The following ZHX2 variants were observed in gnomAD, a reference collection of about 807,000 sequenced individuals.
The protein encoded by ZHX2 is zinc fingers and homeoboxes 2.
A neutral mutation model predicts 21.9 loss-of-function variants in ZHX2; 6 were observed. That is an observed-to-expected ratio of 0.27 (90% CI 0.15 to 0.54). The LOEUF is 0.54. Ranked by LOEUF, ZHX2 falls within the 20% of genes least tolerant of loss-of-function variation. ZHX2 has a pLI of 0.95. For missense variants in ZHX2, 908 were observed against 1,090.7 expected (o/e 0.83, Z 2.36); for synonymous variants, 434 against 437.1 (o/e 0.99, Z 0.09).
chr8:122,790,897 C>T (rs191979479), intron 1 of ZHX2, among the ~76,000 whole-genome samples: 30 of 152,326 alleles, frequency 2.0e-4, no homozygotes, highest in African/African-American at 6.0e-4. Context: ...CATGAGCCAC[C>T]ATGCCTATCC....
intron 2 of ZHX2, among the ~76,000 whole-genome samples, chr8:122,915,871 C>T (rs1350405796): frequency 6.6e-6 from 1 of 152,208 alleles, no homozygotes; most frequent in African/African-American, 2.4e-5. Context: ...TAATGTTTTG[C>T]AGGCAAGGAA....
At chr8:122,907,489 G>C (rs1820377111) in intron 2 of ZHX2, among the ~76,000 whole-genome samples, 2 of 152,176 alleles carry the variant, frequency 1.3e-5, no homozygotes, top group African/African-American at 4.8e-5. Context: ...GGGTGACTTT[G>C]AATAGAATGG....
intron 2 of ZHX2, among the ~76,000 whole-genome samples, chr8:122,928,126 T>TA (rs1160589040): frequency 6.6e-6 from 1 of 152,150 alleles, no homozygotes; most frequent in Non-Finnish European, 1.5e-5. Flanking sequence ...AGGACAGCCC[T>TA]AAGCCAGGCT....
At chr8:122,807,077 G>A (rs1016484697) in intron 1 of ZHX2, among the ~76,000 whole-genome samples, 1 of 152,156 alleles carries the variant, frequency 6.6e-6, no homozygotes, top group African/African-American at 2.4e-5. Flanking sequence ...AGGGGCCCTT[G>A]GTGAGTGGGA....
At chr8:122,929,995 G>A (rs138607380) in intron 2 of ZHX2, among the ~76,000 whole-genome samples, 109 of 152,286 alleles carry the variant, frequency 7.2e-4, no homozygotes, top group African/African-American at 2.5e-3. Context: ...CAACAGGAAG[G>A]TAACAGTCTT....
At chr8:122,916,172 A>G (rs1820596855) in intron 2 of ZHX2, among the ~76,000 whole-genome samples, 2 of 152,180 alleles carry the variant, frequency 1.3e-5, no homozygotes, top group Non-Finnish European at 2.9e-5. Context: ...AGACGCTTTC[A>G]TCTCAGCTTT....
intron 1 of ZHX2, among the ~76,000 whole-genome samples, chr8:122,791,547 C>T (rs2130537392): frequency 6.6e-6 from 1 of 152,206 alleles, no homozygotes; most frequent in Non-Finnish European, 1.5e-5. Flanking sequence ...AGATACTTAT[C>T]TGATCATAAT....
chr8:122,895,423 A>G (rs1820076797), intron 2 of ZHX2, among the ~76,000 whole-genome samples: 1 of 152,232 alleles, frequency 6.6e-6, no homozygotes, highest in African/African-American at 2.4e-5. Context: ...ACGTGTGACC[A>G]CTAGGATTAT....
At chr8:122,949,004 A>G (rs563737498) in intron 2 of ZHX2, among the ~76,000 whole-genome samples, 1 of 152,298 alleles carries the variant, frequency 6.6e-6, no homozygotes, top group Non-Finnish European at 1.5e-5. Context: ...TTAAACGTTA[A>G]AAAATATATA....
At chr8:122,911,463 A>G (rs1198211251) in intron 2 of ZHX2, among the ~76,000 whole-genome samples, 1 of 152,118 alleles carries the variant, frequency 6.6e-6, no homozygotes, top group East Asian at 1.9e-4. Flanking sequence ...GGGCCGGGGC[A>G]GGAGGGGAGA....
rs754162882 is a variant in ZHX2, at chr8:122,952,854, G to C, written c.1344G>C (p.Lys448Asn). ...LTPASDRKKT[K>N]EQIAHLKASF... ...CAGCCAGTGACCGCAAGAAGACAAAGGAGCAGATAGCACATCTCAAGGCCA... is the reference window on the plus strand; with the variant it reads ...CAGCCAGTGACCGCAAGAAGACAAACGAGCAGATAGCACATCTCAAGGCCA... The change falls in exon 3 of 4, where the codon AAG becomes AAC. Residue 448 changes from lysine (K) to asparagine (N), a missense_variant. This residue lies in a region of ZHX2 where 232 missense variants were observed against 361.8 expected (regional missense o/e 0.64). Transcript: ENST00000314393. The surrounding 1 kb of genome is among the most constrained non-coding windows in gnomAD (Gnocchi z 6.9). The C allele has an allele frequency of 1.9e-6, 3 of 1,614,174 alleles. No homozygotes were observed. The highest frequency in any genetic ancestry group is 2.5e-6 in the Non-Finnish European group (3 of 1,180,042).
At chr8:122,811,155 G>T (rs141175677) in intron 1 of ZHX2, among the ~76,000 whole-genome samples, 429 of 152,142 alleles carry the variant, frequency 2.8e-3, no homozygotes, top group African/African-American at 9.8e-3. Flanking sequence ...TGAGGTGGGT[G>T]GATTGCCTGA....
chr8:122,880,790 TAGAG>T (rs141995146), intron 2 of ZHX2, among the ~76,000 whole-genome samples: 1,365 of 47,126 alleles, frequency 0.029, 31 homozygotes, highest in Middle Eastern at 0.043. Context: ...AAAAAAAAAA[TAGAG>T]AGAGTGAGAG....
At chr8:122,955,839 A>ATTTTTTTTTTTTTTTTTTTTT (rs540333833) in intron 3 of ZHX2, among the ~76,000 whole-genome samples, 1 of 104,900 alleles carries the variant, frequency 9.5e-6, no homozygotes, top group Non-Finnish European at 1.8e-5. Flanking sequence ...TGAGGGAGTG[A>ATTTTTTTTTTTTTTTTTTTTT]TTTTTTTTTT....
intron 2 of ZHX2, among the ~76,000 whole-genome samples, chr8:122,939,291 G>A (rs1000035143): frequency 2.0e-5 from 3 of 152,188 alleles, no homozygotes; most frequent in African/African-American, 4.8e-5. Flanking sequence ...ACCAGACCTC[G>A]AAGGCACGTC....
intron 1 of ZHX2, among the ~76,000 whole-genome samples, chr8:122,805,355 G>A (rs1033823040): frequency 7.9e-5 from 12 of 152,140 alleles, no homozygotes; most frequent in Admixed American, 1.3e-4. Context: ...CTGAAGGGGC[G>A]TCATTCTCCC....
At chr8:122,944,241 A>C (rs1434922583) in intron 2 of ZHX2, among the ~76,000 whole-genome samples, 2 of 152,164 alleles carry the variant, frequency 1.3e-5, no homozygotes, top group Admixed American at 1.3e-4. Flanking sequence ...TAGGTGAGAC[A>C]TTTACCCTCT....
At chr8:122,820,985 T>G (rs960249707) in intron 1 of ZHX2, among the ~76,000 whole-genome samples, 1 of 152,106 alleles carries the variant, frequency 6.6e-6, no homozygotes, top group Non-Finnish European at 1.5e-5. Context: ...CCCTAAAACC[T>G]CTGCACATTG....
chr8:122,912,582 A>G (rs1022209510), intron 2 of ZHX2, among the ~76,000 whole-genome samples: 1 of 152,216 alleles, frequency 6.6e-6, no homozygotes, highest in Non-Finnish European at 1.5e-5. Flanking sequence ...TTTAGACAGC[A>G]CTTATATTCT....
Sources: gnomAD v4.1 joint callset for allele counts (sites outside exome capture counted in the v4.1 genomes callset) on GRCh38, gnomAD v4.1.1 for gene constraint, gnomAD v4.1.1 regional missense constraint, Gnocchi (gnomAD v3.1) non-coding constraint, MANE v1.5 for transcripts, NCBI Gene and HGNC (gene_info 2026-07-23, HGNC 2026-07-21) for gene names.